Variants in RMDN1 observed in about 807,000 individuals in gnomAD.
The protein encoded by RMDN1 is regulator of microtubule dynamics protein 1.
RMDN1 carries 48 observed loss-of-function variants against 48.9 expected under a neutral mutation model. That is an observed-to-expected ratio of 0.98 (90% CI 0.78 to 1.25). RMDN1 has a LOEUF of 1.25. Among genes scored for constraint, RMDN1 ranks in the 50% most tolerant of loss-of-function variants. RMDN1 has a pLI of 0.00. For synonymous variants in RMDN1, 148 were observed against 132.6 expected, an observed-to-expected ratio of 1.12 and a Z score of -0.80; for missense variants, 418 against 373.4, an observed-to-expected ratio of 1.12 and a Z score of -0.98.
rs1181812709 is a variant in RMDN1, at chr8:86,473,311, A to G, written c.*997T>C. The G allele has an allele frequency of 1.0e-6, 1 of 985,302 alleles. No homozygotes were observed. Among genetic ancestry groups the G allele is most frequent in the Non-Finnish European group, 1.2e-6 (1 of 829,922 alleles). 61.0% of individuals were successfully genotyped at this position (985,302 alleles called of 1,614,324 possible). A position where few individuals can be genotyped will look rare whatever the true frequency, so the allele number is the denominator to read the frequency against. ...TTTACAAAACTTAAAAAGATTTTGC[A>G]GTGGTGGCACTCCAGCCTCAAGTGA... is the stretch of plus-strand genomic sequence containing the variant. On this transcript the variant is annotated 3_prime_UTR_variant, in exon 10 of 10. Transcript: ENST00000406452.
chr8:86,499,257 A>T (rs1024351742), intron 2 of RMDN1, among the ~76,000 whole-genome samples: 1 of 152,152 alleles, frequency 6.6e-6, no homozygotes, highest in Middle Eastern at 3.2e-3. Flanking sequence ...ATCCAAATAG[A>T]AAGAAAGGAA....
chr8:86,477,403 C>A, intron 7 of RMDN1, 79 bp from the exon 8 acceptor site: 2 of 1,099,594 alleles, frequency 1.8e-6, no homozygotes, highest in South Asian at 1.5e-5. Flanking sequence ...TCTCAAAGAT[C>A]TACTGCTATA....
chr8:86,488,117 A>C (rs1815803957), intron 3 of RMDN1, among the ~76,000 whole-genome samples: 1 of 152,174 alleles, frequency 6.6e-6, no homozygotes, highest in Admixed American at 6.5e-5. Context: ...GTTTCTCTGA[A>C]AGACTATCCT....
chr8:86,507,762 C>T (rs1819621621), intron 1 of RMDN1, among the ~76,000 whole-genome samples: 1 of 152,210 alleles, frequency 6.6e-6, no homozygotes, highest in South Asian at 2.1e-4. Flanking sequence ...TGGTTATAAA[C>T]TTCCAAGGAA....
At chr8:86,471,099 A>G (rs1180463709), downstream of RMDN1, among the ~76,000 whole-genome samples, 1 of 151,116 alleles carries the variant, frequency 6.6e-6, no homozygotes, top group Non-Finnish European at 1.5e-5. Flanking sequence ...ACTACAGGTT[A>G]TATGAGATGT....
At chr8:86,484,437 G>T (rs1052516196) in intron 5 of RMDN1, among the ~76,000 whole-genome samples, 1 of 152,060 alleles carries the variant, frequency 6.6e-6, no homozygotes, top group Non-Finnish European at 1.5e-5. Context: ...CAAACTGTCG[G>T]CTGGGCACAG....
chr8:86,498,258 T>TA (rs141809264), intron 2 of RMDN1, among the ~76,000 whole-genome samples: 45,105 of 144,828 alleles, frequency 0.31, 7,400 homozygotes, highest in East Asian at 0.54. Flanking sequence ...GAATCAGTAG[T>TA]AAAAAAAAAA....
At chr8:86,488,696 G>T in intron 2 of RMDN1, 57 bp from the exon 3 acceptor site, 1 of 1,184,078 alleles carries the variant, frequency 8.4e-7, no homozygotes, top group Non-Finnish European at 1.2e-6. Flanking sequence ...CAAGTCAGAT[G>T]ACAATAATTC....
chr8:86,485,349 C>T (rs946505235), intron 4 of RMDN1, among the ~76,000 whole-genome samples: 1 of 152,020 alleles, frequency 6.6e-6, no homozygotes, highest in Non-Finnish European at 1.5e-5. Flanking sequence ...CACTTGAACC[C>T]GGGAGATGGA....
chr8:86,497,031 T>G (rs1338921413), intron 2 of RMDN1, among the ~76,000 whole-genome samples: 1 of 152,228 alleles, frequency 6.6e-6, no homozygotes, highest in African/African-American at 2.4e-5. Context: ...AATTTGCTCC[T>G]GCATGACTTC....
At chr8:86,506,942 A>C in intron 2 of RMDN1, 53 bp downstream of exon 2, 1 of 863,876 alleles carries the variant, frequency 1.2e-6, no homozygotes, top group Non-Finnish European at 1.9e-6. Flanking sequence ...AAAATTCTGA[A>C]TGTACGCACA....
chr8:86,493,399 T>C (rs971766453), intron 2 of RMDN1, among the ~76,000 whole-genome samples: 16 of 152,158 alleles, frequency 1.1e-4, no homozygotes, highest in African/African-American at 3.9e-4. Flanking sequence ...TTAGTCACAA[T>C]AGCCACGCCT....
intron 9 of RMDN1, 93 bp from the exon 10 acceptor site, chr8:86,474,451 T>A (rs1365258214): frequency 4.9e-5 from 51 of 1,032,444 alleles, no homozygotes; most frequent in Non-Finnish European, 6.9e-5. Context: ...TCTAAGAGTT[T>A]CCAAAAACCA....
upstream of RMDN1, chr8:86,508,754 C>T: frequency 1.2e-6 from 1 of 810,452 alleles, no homozygotes; most frequent in African/African-American, 2.1e-5. Flanking sequence ...CGCCTCCTGC[C>T]CAGCACCTCT....
At chr8:86,506,698 C>G (rs1323179703) in intron 2 of RMDN1, among the ~76,000 whole-genome samples, 1 of 152,094 alleles carries the variant, frequency 6.6e-6, no homozygotes, top group East Asian at 1.9e-4. Flanking sequence ...GTTCTCAGTT[C>G]TCACTGTTTC....
chr8:86,511,165 A>G (rs532084109), upstream of RMDN1, among the ~76,000 whole-genome samples: 1 of 148,560 alleles, frequency 6.7e-6, no homozygotes, highest in African/African-American at 2.5e-5. Flanking sequence ...CACCGTCTTT[A>G]AAAAAAAAAG....
chr8:86,474,985 G>T, intron 8 of RMDN1, 32 bp from the exon 9 acceptor site: 1 of 1,558,818 alleles, frequency 6.4e-7, no homozygotes, highest in Non-Finnish European at 8.6e-7. Context: ...TGATCTCAGA[G>T]GAAACAGTGT....
rs540430183 is a variant in RMDN1 at position 86,489,529 on chromosome 8, T to C, written c.248-890A>G. Among the ~76,000 whole-genome samples, 4 of 152,276 alleles carry C rather than the reference T, an allele frequency of 2.6e-5. No individual in the cohort carries two copies. In the South Asian group the frequency reaches 6.2e-4, roughly 24 times the overall value. On this transcript the variant is annotated intron_variant, in intron 2 of 9. Transcript: ENST00000406452. ...TATACTTTAATTAATCACAGTATAC[T>C]TGAGGTTAAAAGGGTTTCTTGGCTG...
At chr8:86,475,278 CTT>C (rs1237672588) in intron 8 of RMDN1, among the ~76,000 whole-genome samples, 6 of 152,158 alleles carry the variant, frequency 3.9e-5, no homozygotes, top group Admixed American at 1.3e-4. Flanking sequence ...CAGCAATACT[CTT>C]TTTAATCTCT....
Sources: allele counts gnomAD v4.1 joint callset (sites outside exome capture counted in the v4.1 genomes callset), GRCh38; gene constraint gnomAD v4.1.1; transcripts MANE v1.5; gene names NCBI Gene and HGNC (gene_info 2026-07-23, HGNC 2026-07-21).